HP1BP3: variants seen among roughly 807,000 people sequenced by gnomAD.
HP1BP3 encodes heterochromatin protein 1-binding protein 3.
A neutral mutation model predicts 62.5 loss-of-function variants in HP1BP3; 12 were observed. The ratio of observed to expected loss-of-function variants is 0.19; its 90% CI spans 0.12 to 0.31. HP1BP3 has a LOEUF of 0.31. Ranked by LOEUF, HP1BP3 falls within the 10% of genes least tolerant of loss-of-function variation. HP1BP3 has a pLI of 1.00. For missense variants in HP1BP3, 502 were observed against 651.8 expected (o/e 0.77, Z 2.50); for synonymous variants, 260 against 237.8 (o/e 1.09, Z -0.86).
At chr1:20,749,280 T>C (rs1290874710) in intron 10 of HP1BP3, among the ~76,000 whole-genome samples, 1 of 152,120 alleles carries the variant, frequency 6.6e-6, no homozygotes, top group Non-Finnish European at 1.5e-5. Context: ...TTTGTAAAGC[T>C]GTTCCCTCTT....
At chr1:20,764,694 A>G (rs1335024155) in intron 8 of HP1BP3, among the ~76,000 whole-genome samples, 1 of 147,782 alleles carries the variant, frequency 6.8e-6, no homozygotes, top group Non-Finnish European at 1.5e-5. Context: ...GGGTTTGGAA[A>G]AAAAAAAAAA....
At chr1:20,748,234 A>G (rs12404954) in intron 10 of HP1BP3, among the ~76,000 whole-genome samples, 52,254 of 152,142 alleles carry the variant, frequency 0.34, 9,514 homozygotes, top group Non-Finnish European at 0.4. Context: ...ATAATCATCT[A>G]GGAGAATCTC....
At chr1:20,758,352 CT>C (rs71716877) in intron 8 of HP1BP3, among the ~76,000 whole-genome samples, 59 of 146,596 alleles carry the variant, frequency 4.0e-4, no homozygotes, top group African/African-American at 6.0e-4. Flanking sequence ...TTAAACACTC[CT>C]TTTTTTTTTT....
At chr1:20,755,850 A>G (rs1198348693) in intron 9 of HP1BP3, among the ~76,000 whole-genome samples, 1 of 152,244 alleles carries the variant, frequency 6.6e-6, no homozygotes, top group Non-Finnish European at 1.5e-5. Flanking sequence ...CAACGTGGAT[A>G]AAATTCAAAA....
At position 20,757,160 on chromosome 1, in the gene HP1BP3, T is replaced by A; in HGVS notation, c.981+6A>T. On this transcript the variant is annotated splice_donor_region_variant and intron_variant, in intron 9 of 12. Coordinates refer to ENST00000438032, the MANE Select transcript of HP1BP3 (RefSeq NM_001372052.1). ...CTTCTCCACAACCAGGCCTCTGATCTCTAACCTGGAATGTCCCCGAAGCAC... is the reference window on the plus strand; with the variant it reads ...CTTCTCCACAACCAGGCCTCTGATCACTAACCTGGAATGTCCCCGAAGCAC... 6.3e-7 allele frequency: 1 copy of A among 1,597,346 alleles called. No individual in the cohort carries two copies. Among genetic ancestry groups the A allele is most frequent in the East Asian group, 2.2e-5 (1 of 44,702 alleles).
chr1:20,780,632 A>G (rs568270177), intron 1 of HP1BP3, 92 bp from the exon 2 acceptor site: 2 of 569,740 alleles, frequency 3.5e-6, no homozygotes, highest in Non-Finnish European at 6.3e-6. Flanking sequence ...GGGAAAAAAT[A>G]TAACTATAAA....
chr1:20,779,723 A>AAC, intron 3 of HP1BP3, 89 bp downstream of exon 3: 3 of 839,180 alleles, frequency 3.6e-6, no homozygotes, highest in East Asian at 5.8e-5. Flanking sequence ...AAAAAAAAAA[A>AAC]AAACAATTAA....
At chr1:20,752,662 G>C (rs562624723) in intron 9 of HP1BP3, among the ~76,000 whole-genome samples, 1 of 152,216 alleles carries the variant, frequency 6.6e-6, no homozygotes, top group African/African-American at 2.4e-5. Flanking sequence ...GCTTACCACA[G>C]ATAAAGGCAG....
At chr1:20,776,122 A>C (rs916205735) in intron 4 of HP1BP3, 12 of 893,782 alleles carry the variant, frequency 1.3e-5, no homozygotes, top group African/African-American at 3.4e-5. Context: ...CTTCAACTGA[A>C]TATTTCATCA....
intron 3 of HP1BP3, among the ~76,000 whole-genome samples, chr1:20,778,170 TTTCTC>T (rs1357224543): frequency 6.6e-4 from 78 of 117,642 alleles, no homozygotes; most frequent in African/African-American, 2.2e-3. Flanking sequence ...TTTACATTAT[TTTCTC>T]TTCTCAAGAA....
intron 6 of HP1BP3, among the ~76,000 whole-genome samples, chr1:20,768,615 A>T (rs964809740): frequency 2.6e-5 from 4 of 152,256 alleles, no homozygotes; most frequent in African/African-American, 9.6e-5. Context: ...CGAGGTGGGC[A>T]GATCACTTGA....
At chr1:20,745,125 G>A (rs773999412) in intron 12 of HP1BP3, 34 bp from the exon 13 acceptor site, 12 of 1,555,380 alleles carry the variant, frequency 7.7e-6, no homozygotes, top group Non-Finnish European at 1.0e-5. Context: ...CCGTCATTTA[G>A]TACTTAAGAG....
rs771505274 is a variant in HP1BP3 at position 20,747,539 on chromosome 1, C to CT, written c.1253+4dup. The CT allele has an allele frequency of 6.4e-7, 1 of 1,557,132 alleles. No individual in the cohort carries two copies. The highest frequency in any genetic ancestry group is 8.8e-7 in the Non-Finnish European group (1 of 1,130,276). On this transcript the variant is annotated splice_donor_region_variant and intron_variant, in intron 11 of 12. Transcript: ENST00000438032. Reference sequence around the variant, plus strand: ...ACAGTGATCTATTATAGGCTAAGTACTTACCTGGGATAATAGGGAAAACAG... The same window carrying CT: ...ACAGTGATCTATTATAGGCTAAGTACTTTACCTGGGATAATAGGGAAAACAG...
chr1:20,753,524 A>C (rs991660149), intron 9 of HP1BP3, among the ~76,000 whole-genome samples: 9 of 152,216 alleles, frequency 5.9e-5, no homozygotes, highest in Non-Finnish European at 1.2e-4. Flanking sequence ...TGTCGTATAT[A>C]ATGAAATGCC....
At chr1:20,784,231 A>T (rs2057710391) in intron 1 of HP1BP3, among the ~76,000 whole-genome samples, 1 of 151,980 alleles carries the variant, frequency 6.6e-6, no homozygotes, top group South Asian at 2.1e-4. Context: ...CGGCCTCTCA[A>T]CGTGTTGGGA....
At chr1:20,779,965 T>C (rs2057470249) in intron 2 of HP1BP3, 54 bp from the exon 3 acceptor site, 5 of 1,430,198 alleles carry the variant, frequency 3.5e-6, no homozygotes, top group Non-Finnish European at 3.9e-6. Flanking sequence ...CTCTTTTCTC[T>C]CTTTCTCAAA....
chr1:20,756,117 G>A (rs1228655558), intron 9 of HP1BP3, among the ~76,000 whole-genome samples: 5 of 152,144 alleles, frequency 3.3e-5, no homozygotes, highest in Admixed American at 3.3e-4. Flanking sequence ...GTTATAAACT[G>A]TAATTATATA....
chr1:20,765,357 G>T lies in HP1BP3; in HGVS notation c.890+20C>A. 1 of 1,545,804 alleles carries T rather than the reference G, an allele frequency of 6.5e-7. No individual in the cohort carries two copies. The highest frequency in any genetic ancestry group is 2.4e-5 in the East Asian group (1 of 41,930). On this transcript the variant is annotated intron_variant, in intron 8 of 12. Coordinates refer to ENST00000438032, the MANE Select transcript of HP1BP3 (RefSeq NM_001372052.1). ...GGAAGTAACACATCATGTTTTAAAG[G>T]CCAGGCCAATGGCTCATACCTGATG...
At chr1:20,757,298 A>G in intron 8 of HP1BP3, 42 bp from the exon 9 acceptor site, 1 of 1,223,456 alleles carries the variant, frequency 8.2e-7, no homozygotes. Context: ...AAATACATTA[A>G]TGAAAGAAAA....
Sources: gnomAD v4.1 joint callset for allele counts (sites outside exome capture counted in the v4.1 genomes callset) on GRCh38, gnomAD v4.1.1 for gene constraint, MANE v1.5 for transcripts, NCBI Gene and HGNC (gene_info 2026-07-23, HGNC 2026-07-21) for gene names.